NLGN4X: variants seen among roughly 807,000 people sequenced by gnomAD.
NLGN4X encodes neuroligin 4 X-linked, also known as neuroligin-4, X-linked.
Under a neutral mutation model 40.3 loss-of-function variants are expected in NLGN4X, and 3 were observed. The ratio of observed to expected loss-of-function variants is 0.07; its 90% CI spans 0.03 to 0.19. NLGN4X has a LOEUF of 0.19. NLGN4X is among the 10% of genes least tolerant of loss of function. NLGN4X has a pLI of 1.00. For synonymous variants in NLGN4X, 270 were observed against 306.8 expected (o/e 0.88, Z 1.25); for missense variants, 382 against 708.3 (o/e 0.54, Z 5.23).
chrX:6,042,734 C>CACACACAG (rs1437814745), intron 2 of NLGN4X, among the ~76,000 whole-genome samples: 8 of 46,179 alleles, frequency 1.7e-4, no homozygotes, highest in Non-Finnish European at 2.6e-4. Context: ...TATATATACA[C>CACACACAG]ACACACGTAC....
intron 2 of NLGN4X, among the ~76,000 whole-genome samples, chrX:6,088,150 T>G (rs1214136014): frequency 8.9e-6 from 1 of 112,681 alleles, no homozygotes; most frequent in African/African-American, 3.2e-5. Flanking sequence ...GCCAAAAATG[T>G]CAACGAAAGC....
chrX:6,099,777 T>C (rs2038864998), intron 2 of NLGN4X, among the ~76,000 whole-genome samples: 1 of 112,498 alleles, frequency 8.9e-6, no homozygotes, highest in Admixed American at 9.4e-5. Context: ...GACTTGTCTT[T>C]GCTTGTTGCA....
At chrX:5,899,230 G>C (rs775479550) in intron 5 of NLGN4X, among the ~76,000 whole-genome samples, 3 of 112,138 alleles carry the variant, frequency 2.7e-5, no homozygotes, top group Non-Finnish European at 5.6e-5. Flanking sequence ...GTTATTTCAG[G>C]GATGTTTCCC....
chrX:6,015,238 T>C (rs1019584063), intron 3 of NLGN4X, among the ~76,000 whole-genome samples: 14 of 112,108 alleles, frequency 1.2e-4, no homozygotes, highest in African/African-American at 4.5e-4. Context: ...GAAGTTGTTA[T>C]ACCATGTGTC....
chrX:6,050,500 C>T (rs1259323322), intron 2 of NLGN4X, among the ~76,000 whole-genome samples: 1 of 111,032 alleles, frequency 9.0e-6, no homozygotes. Context: ...TTATATCTAC[C>T]ATATATCTAC....
intron 3 of NLGN4X, among the ~76,000 whole-genome samples, chrX:5,989,953 G>A (rs1302302532): frequency 2.7e-5 from 3 of 111,182 alleles, no homozygotes; most frequent in Non-Finnish European, 5.6e-5. Context: ...AAAACGTTAC[G>A]TGAATGTGAT....
intron 1 of NLGN4X, 75 bp from the exon 2 acceptor site, chrX:6,151,846 C>T (rs1602325501): frequency 1.2e-5 from 3 of 242,203 alleles, no homozygotes; most frequent in East Asian, 8.7e-5. Context: ...GGCTCTTCCA[C>T]GAAATCCACA....
At chrX:5,971,014 C>T (rs1039810566) in intron 3 of NLGN4X, among the ~76,000 whole-genome samples, 6 of 111,263 alleles carry the variant, frequency 5.4e-5, no homozygotes, top group African/African-American at 9.8e-5. Flanking sequence ...ACAGAGAATC[C>T]GCTGTTCCCT....
At position 6,032,570 on chromosome X, in the gene NLGN4X, C is replaced by T. The variant is rs1471673673; in HGVS notation, c.473-3138G>A. The T allele has an allele frequency of 1.0e-5, 4 of 388,616 alleles. 1 individual carries two copies. In the Admixed American group the frequency reaches 1.6e-4, roughly 16 times the overall value. 32.0% of individuals were successfully genotyped at this position (388,616 alleles called of 1,213,427 possible). On this transcript the variant is annotated intron_variant, in intron 2 of 5. Transcript: ENST00000381095. The stretch of plus-strand genomic sequence containing the variant: ...CAAGAAGAAAATAATTAAGGAAGCA[C>T]ACCAAAGTGTACTAGTTTTAAATAA...
intron 3 of NLGN4X, among the ~76,000 whole-genome samples, chrX:5,968,455 CTCTGTG>C (rs1463274271): frequency 3.6e-5 from 1 of 27,625 alleles, no homozygotes; most frequent in Non-Finnish European, 7.0e-5. Flanking sequence ...CTCTCTCTCT[CTCTGTG>C]TGTGTGTGTG....
At chrX:6,165,300 G>A (rs773080369) in intron 1 of NLGN4X, among the ~76,000 whole-genome samples, 1 of 111,457 alleles carries the variant, frequency 9.0e-6, no homozygotes, top group Non-Finnish European at 1.9e-5. Flanking sequence ...AGAATAGGAT[G>A]GAAGAAAAGA....
intron 2 of NLGN4X, among the ~76,000 whole-genome samples, chrX:6,086,225 G>A (rs1353636092): frequency 9.0e-6 from 1 of 111,619 alleles, no homozygotes; most frequent in East Asian, 2.8e-4. Flanking sequence ...TTTGGTTTGG[G>A]TGAGGCTAGG....
intron 3 of NLGN4X, among the ~76,000 whole-genome samples, chrX:5,974,274 G>A (rs752485336): frequency 8.9e-6 from 1 of 112,189 alleles, no homozygotes; most frequent in South Asian, 3.7e-4. Context: ...TCACTGAAAT[G>A]AAACATCATT....
chrX:6,082,932 G>T (rs1269042422), intron 2 of NLGN4X, among the ~76,000 whole-genome samples: 2 of 100,398 alleles, frequency 2.0e-5, no homozygotes, highest in East Asian at 3.2e-4. Context: ...TAAAAAAAGA[G>T]ATTTTGCCAT....
intron 2 of NLGN4X, among the ~76,000 whole-genome samples, chrX:6,031,652 G>A (rs1430741122): frequency 9.0e-6 from 1 of 110,858 alleles, no homozygotes; most frequent in Non-Finnish European, 1.9e-5. Context: ...GAGACCCAAA[G>A]GTCCAGCCAG....
chrX:5,996,452 A>C lies in NLGN4X; in HGVS notation c.625+32828T>G, dbSNP rs140832554. ...AGGCACAGAGCCTCCACTTACACAG[A>C]GCAAAGGAGGCTGTGGGATAATGAA... On this transcript the variant is annotated intron_variant, in intron 3 of 5. Transcript: ENST00000381095. 2.6e-3 allele frequency among the ~76,000 whole-genome samples: 290 copies of C among 111,665 alleles called. 1 individual carries two copies. The highest frequency in any genetic ancestry group is 9.1e-3 in the African/African-American group (277 of 30,569).
chrX:6,071,295 T>C (rs1409322009), intron 2 of NLGN4X, among the ~76,000 whole-genome samples: 1 of 111,451 alleles, frequency 9.0e-6, no homozygotes, highest in Non-Finnish European at 1.9e-5. Context: ...AAAGTAGTAA[T>C]TGTAGCTGAA....
At chrX:5,964,483 T>C (rs753658296) in intron 3 of NLGN4X, among the ~76,000 whole-genome samples, 7 of 111,661 alleles carry the variant, frequency 6.3e-5, no homozygotes, top group Non-Finnish European at 1.1e-4. Context: ...CATAATGCAA[T>C]CTTGTTATTG....
intron 3 of NLGN4X, among the ~76,000 whole-genome samples, chrX:5,993,689 A>C (rs1198315575): frequency 8.9e-6 from 1 of 112,000 alleles, no homozygotes. Context: ...ACAGTGGTGA[A>C]GGATGAAGAT....
Sources: gnomAD v4.1 joint callset for allele counts (sites outside exome capture counted in the v4.1 genomes callset) on GRCh38, gnomAD v4.1.1 for gene constraint, MANE v1.5 for transcripts, NCBI Gene and HGNC (gene_info 2026-07-23, HGNC 2026-07-21) for gene names.